Variants in PCDH15 observed in about 807,000 individuals in gnomAD.
PCDH15 encodes the protein protocadherin-15.
In PCDH15, 129 loss-of-function variants were observed where a neutral mutation model predicts 178.5. The observed-to-expected ratio is 0.72, with a 90% CI of 0.63 to 0.84. The LOEUF (loss-of-function observed/expected upper bound fraction) is 0.84. Ranked by LOEUF, PCDH15 falls within the 40% of genes least tolerant of loss-of-function variation. The pLI is 0.00. For synonymous variants in PCDH15, 800 were observed against 732.0 expected (o/e 1.09, Z -1.50); for missense variants, 2,230 against 2,099.9 (o/e 1.06, Z -1.21).
Position 55,318,158 on chromosome 10 carries a change from C to A in PCDH15, c.-156+1441G>T, listed in dbSNP as rs113535031. On this transcript the variant is annotated intron_variant, in intron 1 of 5. Transcript: ENST00000458638. ...CGCTGGAACATTTTTATACCATAGT[C>A]ATTGGTGTACCATATGAAAAATTTA... Among the ~76,000 whole-genome samples, 1,473 of 151,934 alleles carry A rather than the reference C, an allele frequency of 9.7e-3. 24 individuals are homozygous for A. Among genetic ancestry groups the A allele is most frequent in the African/African-American group, 0.033 (1,385 of 41,420 alleles).
At chr10:55,115,770 A>T (rs1014859532) in intron 2 of PCDH15, among the ~76,000 whole-genome samples, 1 of 152,178 alleles carries the variant, frequency 6.6e-6, no homozygotes, top group Admixed American at 6.5e-5. Context: ...CTAGATTTCA[A>T]AATAAATCCA....
At chr10:55,341,799 ATATATATTTTTTTTTTT>A (rs1411914786) in intron 2 of PCDH15, among the ~76,000 whole-genome samples, 453 of 10,980 alleles carry the variant, frequency 0.041, 1 homozygote, top group Non-Finnish European at 0.05. Flanking sequence ...ATATATATAT[ATATATATTTTTTTTTTT>A]TTTTTTTTTT....
At chr10:54,915,333 A>T (rs1954882681) in intron 2 of PCDH15, among the ~76,000 whole-genome samples, 1 of 152,204 alleles carries the variant, frequency 6.6e-6, no homozygotes, top group Non-Finnish European at 1.5e-5. Flanking sequence ...AAGTAAGTGA[A>T]TATCAGATAT....
intron 3 of PCDH15, among the ~76,000 whole-genome samples, chr10:54,423,380 C>T (rs1201171909): frequency 6.6e-6 from 1 of 151,084 alleles, no homozygotes; most frequent in Non-Finnish European, 1.5e-5. Flanking sequence ...CTGACATACA[C>T]ATAACTTACT....
At chr10:53,893,658 A>C (rs2081744962) in intron 26 of PCDH15, among the ~76,000 whole-genome samples, 1 of 152,210 alleles carries the variant, frequency 6.6e-6, no homozygotes, top group South Asian at 2.1e-4. Flanking sequence ...ACCTGGATGG[A>C]GTTGGAGGCC....
rs531733552 is a variant in PCDH15 at position 54,189,919 on chromosome 10, A to ATGTGTGTGTG, written c.1306-4652_1306-4651insCACACACACA. Among the ~76,000 whole-genome samples the ATGTGTGTGTG allele has an allele frequency of 1.4e-3, 154 of 108,814 alleles. 1 individual carries two copies. The highest frequency in any genetic ancestry group is 3.7e-3 in the African/African-American group (118 of 31,498). The allele number at this position is 108,814 out of a possible 152,430, so 71.4% of individuals were successfully genotyped here. A position where few individuals can be genotyped will look rare whatever the true frequency, so the allele number is the denominator to read the frequency against. The stretch of plus-strand genomic sequence containing the variant: ...ATATGGTTCATATATGTATACATGC[A>ATGTGTGTGTG]TGTGTATGTGTGTGTGTGTGTGTGT... On this transcript the variant is annotated intron_variant, in intron 11 of 37. Coordinates refer to ENST00000644397, the MANE Select transcript of PCDH15 (RefSeq NM_001384140.1).
intron 8 of PCDH15, among the ~76,000 whole-genome samples, chr10:54,259,447 G>T (rs1186458475): frequency 1.3e-5 from 2 of 152,138 alleles, no homozygotes; most frequent in Non-Finnish European, 2.9e-5. Context: ...AAGGATAAAT[G>T]AATGTAGATG....
At chr10:53,869,497 T>C (rs2079680437) in intron 26 of PCDH15, among the ~76,000 whole-genome samples, 1 of 152,238 alleles carries the variant, frequency 6.6e-6, no homozygotes, top group African/African-American at 2.4e-5. Flanking sequence ...ATCTTCTTAT[T>C]AACATGGATA....
chr10:55,458,558 C>T (rs939149511), intron 2 of PCDH15, among the ~76,000 whole-genome samples: 8 of 151,978 alleles, frequency 5.3e-5, no homozygotes, highest in African/African-American at 1.9e-4. Flanking sequence ...TTAATCTGTT[C>T]TCATTAGTGG....
intron 6 of PCDH15, among the ~76,000 whole-genome samples, chr10:54,342,018 T>C (rs778597054): frequency 2.8e-4 from 42 of 152,176 alleles, no homozygotes; most frequent in Non-Finnish European, 4.9e-4. Flanking sequence ...GGAACTTATG[T>C]TTAAAAGGGA....
chr10:54,623,077 T>G (rs947336925), intron 2 of PCDH15, among the ~76,000 whole-genome samples: 1 of 151,910 alleles, frequency 6.6e-6, no homozygotes, highest in African/African-American at 2.4e-5. Flanking sequence ...TATTCACAGT[T>G]TTGTTCAATT....
At chr10:54,031,099 A>G (rs2093280268) in intron 18 of PCDH15, among the ~76,000 whole-genome samples, 1 of 152,032 alleles carries the variant, frequency 6.6e-6, no homozygotes, top group South Asian at 2.1e-4. Context: ...GGCAAATCAC[A>G]TGACAAGGCC....
intron 8 of PCDH15, among the ~76,000 whole-genome samples, chr10:54,297,829 A>G (rs1362140134): frequency 6.6e-6 from 1 of 152,192 alleles, no homozygotes; most frequent in African/African-American, 2.4e-5. Flanking sequence ...CTTTGATCTT[A>G]TTGGAAAGAT....
chr10:54,255,800 T>G (rs2056851943), intron 8 of PCDH15, among the ~76,000 whole-genome samples: 1 of 152,148 alleles, frequency 6.6e-6, no homozygotes, highest in Admixed American at 6.6e-5. Flanking sequence ...AGCTATCATA[T>G]ATAATCTGTC....
At chr10:55,211,932 C>T (rs1241193626) in intron 1 of PCDH15, among the ~76,000 whole-genome samples, 1 of 145,876 alleles carries the variant, frequency 6.9e-6, no homozygotes, top group South Asian at 2.3e-4. Context: ...AAAAGCAGCC[C>T]CCCAAATAAA....
chr10:55,256,968 AC>A (rs1842017198), intron 1 of PCDH15, among the ~76,000 whole-genome samples: 1 of 152,030 alleles, frequency 6.6e-6, no homozygotes, highest in East Asian at 1.9e-4. Context: ...ACTGGGAGGC[AC>A]CCCCGAGTAG....
At chr10:55,421,311 T>A (rs1290428459) in intron 2 of PCDH15, among the ~76,000 whole-genome samples, 1 of 151,214 alleles carries the variant, frequency 6.6e-6, no homozygotes, top group African/African-American at 2.4e-5. Context: ...ATCTAATAAA[T>A]TTTTTAAATG....
intron 2 of PCDH15, among the ~76,000 whole-genome samples, chr10:54,537,264 G>T (rs2084679555): frequency 6.6e-6 from 1 of 152,060 alleles, no homozygotes. Flanking sequence ...CTCCCAAAAT[G>T]CTGGGATTAC....
chr10:55,052,842 G>A (rs1841200738), intron 2 of PCDH15, among the ~76,000 whole-genome samples: 1 of 152,070 alleles, frequency 6.6e-6, no homozygotes, highest in South Asian at 2.1e-4. Context: ...TAATAAATCT[G>A]TCGTCAAAAT....
Sources: allele counts gnomAD v4.1 joint callset (sites outside exome capture counted in the v4.1 genomes callset), GRCh38; gene constraint gnomAD v4.1.1; transcripts MANE v1.5; gene names NCBI Gene and HGNC (gene_info 2026-07-23, HGNC 2026-07-21).